Variants in MYLK observed in about 807,000 individuals in gnomAD.
The protein encoded by MYLK is myosin light chain kinase, also known as myosin light chain kinase, smooth muscle.
In MYLK, 106 loss-of-function variants were observed where a neutral mutation model predicts 203.4. That is an observed-to-expected ratio of 0.52 (90% CI 0.45 to 0.61). MYLK has a LOEUF of 0.61. Among genes scored for constraint, MYLK ranks in the 20% least tolerant of loss-of-function variants. The pLI is 0.00. For synonymous variants in MYLK, 867 were observed against 959.5 expected, an observed-to-expected ratio of 0.90 and a Z score of 1.78; for missense variants, 2,072 against 2,442.3, an observed-to-expected ratio of 0.85 and a Z score of 3.20.
At chr3:123,652,537 G>C (rs544137221) in intron 24 of MYLK, among the ~76,000 whole-genome samples, 2 of 152,284 alleles carry the variant, frequency 1.3e-5, no homozygotes, top group African/African-American at 4.8e-5. Context: ...ACACTAGAGG[G>C]CACCCCCGCC....
intron 20 of MYLK, among the ~76,000 whole-genome samples, chr3:123,668,442 C>T (rs183540895): frequency 6.9e-5 from 10 of 145,326 alleles, no homozygotes; most frequent in Admixed American, 1.5e-4. Flanking sequence ...TCCATTTATA[C>T]GACATTCTAG....
intron 4 of MYLK, among the ~76,000 whole-genome samples, chr3:123,755,392 C>T (rs2063330375): frequency 6.6e-6 from 1 of 152,124 alleles, no homozygotes; most frequent in Admixed American, 6.5e-5. Flanking sequence ...CTACACATAC[C>T]CCAAGCTTAC....
intron 3 of MYLK, among the ~76,000 whole-genome samples, chr3:123,803,232 A>C (rs2065256940): frequency 6.6e-6 from 1 of 152,258 alleles, no homozygotes; most frequent in African/African-American, 2.4e-5. Context: ...AGCAACGTGC[A>C]TAAAAAGCGA....
chr3:123,871,631 C>A (rs1245831172), intron 2 of MYLK, among the ~76,000 whole-genome samples: 3 of 151,978 alleles, frequency 2.0e-5, no homozygotes, highest in East Asian at 3.9e-4. Context: ...AAACAAATAA[C>A]CTGGACAGTC....
At chr3:123,709,195 C>T in intron 14 of MYLK, 1 of 235,350 alleles carries the variant, frequency 4.2e-6, no homozygotes, top group Non-Finnish European at 8.1e-6. Flanking sequence ...GGCTGCAGTG[C>T]AGTGGTGCGA....
intron 2 of MYLK, among the ~76,000 whole-genome samples, chr3:123,864,711 C>T (rs1297987481): frequency 6.6e-6 from 1 of 152,000 alleles, no homozygotes; most frequent in Non-Finnish European, 1.5e-5. Context: ...TTGAGACCAG[C>T]CTGGGCAACA....
chr3:123,733,894 C>A lies in MYLK; in HGVS notation c.1102G>T (p.Gly368Ter). The A allele has an allele frequency of 6.2e-7, 1 of 1,614,186 alleles. No individual in the cohort carries two copies. Among genetic ancestry groups the A allele is most frequent in the Non-Finnish European group, 8.5e-7 (1 of 1,180,038 alleles). Reference protein sequence around the residue: ...APGLGVLSPSGEERKRPAPPR... With the variant: ...APGLGVLSPS ...GGAGCTGGCCTCTTCCTCTCTTCTC[C>A]AGAAGGTGATAGGACCCCCAGGCCT... is the stretch of plus-strand genomic sequence containing the variant. The change falls in exon 10 of 34, where the codon GGA becomes TGA. Residue 368 changes from glycine to a stop codon, truncating the protein, a stop_gained. Transcript: ENST00000360304. LOFTEE classifies it high-confidence loss of function.
intron 4 of MYLK, among the ~76,000 whole-genome samples, chr3:123,766,934 G>C (rs930062645): frequency 3.3e-5 from 5 of 152,200 alleles, no homozygotes; most frequent in African/African-American, 1.2e-4. Context: ...TGGCCTGTTT[G>C]GGGGCTGGGG....
chr3:123,776,300 T>C (rs1356191639), intron 4 of MYLK, among the ~76,000 whole-genome samples: 3 of 152,092 alleles, frequency 2.0e-5, no homozygotes, highest in Non-Finnish European at 2.9e-5. Context: ...AGGTGGGCCA[T>C]GAAAACTGGT....
Position 123,708,907 on chromosome 3 carries a change from G to A in MYLK, c.1943-12C>T. ...AGGGGGTGGATTCCCTGAACCAGGA[G>A]GAGGGGAAGGGGGATTGGTTAGGGA... is the stretch of plus-strand genomic sequence containing the variant. On this transcript the variant is annotated splice_polypyrimidine_tract_variant and intron_variant, in intron 14 of 33. Coordinates refer to ENST00000360304, the MANE Select transcript of MYLK (RefSeq NM_053025.4). 6.2e-7 allele frequency: 1 copy of A among 1,612,908 alleles called. No individual in the cohort carries two copies. Among genetic ancestry groups the A allele is most frequent in the South Asian group, 1.1e-5 (1 of 91,036 alleles).
intron 11 of MYLK, among the ~76,000 whole-genome samples, chr3:123,731,584 C>G (rs1489206598): frequency 1.3e-5 from 2 of 152,090 alleles, no homozygotes; most frequent in Admixed American, 1.3e-4. Context: ...TGAAAATTTT[C>G]AAACACACAC....
chr3:123,771,556 C>T (rs1010885714), intron 4 of MYLK, among the ~76,000 whole-genome samples: 3 of 152,050 alleles, frequency 2.0e-5, no homozygotes, highest in Admixed American at 6.6e-5. Context: ...TTTGATTTTG[C>T]GAGTTGAATG....
At chr3:123,766,283 C>T (rs531529408) in intron 4 of MYLK, among the ~76,000 whole-genome samples, 15 of 152,346 alleles carry the variant, frequency 9.8e-5, no homozygotes, top group Admixed American at 3.3e-4. Context: ...ACCTGGCCTG[C>T]CTATTTCTCT....
chr3:123,871,573 T>G (rs2032786237), intron 2 of MYLK, among the ~76,000 whole-genome samples: 1 of 152,144 alleles, frequency 6.6e-6, no homozygotes, highest in South Asian at 2.1e-4. Context: ...TTAGATTAAA[T>G]AGACAAATTA....
intron 4 of MYLK, among the ~76,000 whole-genome samples, chr3:123,760,246 T>C (rs1007125230): frequency 1.3e-5 from 2 of 152,222 alleles, no homozygotes; most frequent in Non-Finnish European, 2.9e-5. Flanking sequence ...TGGTGTGATC[T>C]TGGCTCACCG....
chr3:123,758,139 T>C (rs1045331699), intron 4 of MYLK, among the ~76,000 whole-genome samples: 5 of 152,010 alleles, frequency 3.3e-5, no homozygotes, highest in African/African-American at 1.2e-4. Flanking sequence ...GGGTATGTTA[T>C]GAGGGTGAAG....
intron 3 of MYLK, among the ~76,000 whole-genome samples, chr3:123,825,379 T>C (rs2066081151): frequency 6.6e-6 from 1 of 152,098 alleles, no homozygotes; most frequent in South Asian, 2.1e-4. Context: ...CCTGCCAAGA[T>C]TGTCTGGAGT....
In MYLK at chr3:123,737,555, A is replaced by C; in HGVS notation, c.589-12T>G. On this transcript the variant is annotated splice_polypyrimidine_tract_variant and intron_variant, in intron 7 of 33. Coordinates refer to ENST00000360304, the MANE Select transcript of MYLK (RefSeq NM_053025.4). Reference sequence around the variant, plus strand: ...AGTGGAACATTTCCCTGTGGATGGCAATGGGGTAACTTGGTCATACAAATC... The same window carrying C: ...AGTGGAACATTTCCCTGTGGATGGCCATGGGGTAACTTGGTCATACAAATC... 6.2e-7 allele frequency: 1 copy of C among 1,614,034 alleles called. No homozygotes were observed. The highest frequency in any genetic ancestry group is 1.6e-4 in the Middle Eastern group (1 of 6,062).
chr3:123,739,405 C>A (rs2062787561), intron 6 of MYLK, among the ~76,000 whole-genome samples: 1 of 152,232 alleles, frequency 6.6e-6, no homozygotes. Flanking sequence ...TCATAAGAAC[C>A]TCCTGTGAGG....
Sources: allele counts gnomAD v4.1 joint callset (sites outside exome capture counted in the v4.1 genomes callset), GRCh38; gene constraint gnomAD v4.1.1; transcripts MANE v1.5; gene names NCBI Gene and HGNC (gene_info 2026-07-23, HGNC 2026-07-21).